UBAP2L: variants seen among roughly 807,000 people sequenced by gnomAD.
The protein encoded by UBAP2L is ubiquitin associated protein 2 like.
UBAP2L carries 12 observed loss-of-function variants against 130.6 expected under a neutral mutation model. The ratio of observed to expected loss-of-function variants is 0.09; its 90% CI spans 0.06 to 0.15. The LOEUF (loss-of-function observed/expected upper bound fraction) is 0.15. UBAP2L is among the 10% of genes least tolerant of loss of function. The pLI is 1.00. For missense variants in UBAP2L, 965 were observed against 1,332.5 expected (o/e 0.72, Z 4.29); for synonymous variants, 503 against 524.7 (o/e 0.96, Z 0.57).
chr1:154,265,949 A>G (rs1683111764), intron 24 of UBAP2L, among the ~76,000 whole-genome samples: 1 of 152,190 alleles, frequency 6.6e-6, no homozygotes, highest in African/African-American at 2.4e-5. Flanking sequence ...AGATGCTCCA[A>G]GACTAAAGAA....
intron 8 of UBAP2L, among the ~76,000 whole-genome samples, chr1:154,240,541 A>G (rs1673186013): frequency 6.6e-6 from 1 of 152,140 alleles, no homozygotes; most frequent in Admixed American, 6.6e-5. Context: ...CTGATTTTTC[A>G]GTCTTGTTCA....
chr1:154,231,633 A>G (rs931487199), intron 4 of UBAP2L, among the ~76,000 whole-genome samples: 4 of 152,142 alleles, frequency 2.6e-5, no homozygotes, highest in Non-Finnish European at 4.4e-5. Context: ...TGCCTGTTTT[A>G]GAGATCTCAT....
Position 154,268,782 on chromosome 1 carries a change from A to C in UBAP2L, c.2996A>C (p.His999Pro). 1 of 1,614,116 alleles carries C rather than the reference A, an allele frequency of 6.2e-7. No individual in the cohort carries two copies. Among genetic ancestry groups the C allele is most frequent in the Non-Finnish European group, 8.5e-7 (1 of 1,180,004 alleles). The change falls in exon 26 of 27, where the codon CAT becomes CCT. Residue 999 changes from histidine to proline, a missense_variant. Around this residue, in one of 9 missense-constraint regions of UBAP2L, gnomAD observed 194 missense variants for 334.0 expected, o/e 0.58. Coordinates refer to ENST00000428931, the MANE Select transcript of UBAP2L (RefSeq NM_014847.4). ...TQQSFEKQGF[H>P]SGTPAASFNL... ...CAGTCCTTTGAGAAACAAGGTTTTC[A>C]TTCCGGTACTCCTGCTGCTTCCTTC... is the stretch of plus-strand genomic sequence containing the variant.
At chr1:154,263,159 C>G in intron 24 of UBAP2L, 1 of 1,551,938 alleles carries the variant, frequency 6.4e-7, no homozygotes, top group Non-Finnish European at 8.7e-7. Flanking sequence ...CTAATTTGGC[C>G]CAAGGCTGGG....
intron 17 of UBAP2L, 118 bp from the exon 18 acceptor site, chr1:154,255,565 T>C: frequency 2.3e-6 from 3 of 1,282,738 alleles, no homozygotes; most frequent in Non-Finnish European, 3.4e-6. Context: ...TAACATATGA[T>C]CTCAGACCTC....
intron 24 of UBAP2L, among the ~76,000 whole-genome samples, chr1:154,265,815 A>G (rs1286669489): frequency 6.6e-6 from 1 of 152,138 alleles, no homozygotes; most frequent in Non-Finnish European, 1.5e-5. Flanking sequence ...CACCTAGGCT[A>G]TAGGAGATGG....
chr1:154,268,188 CT>C (rs531122983), intron 25 of UBAP2L, among the ~76,000 whole-genome samples: 4 of 149,444 alleles, frequency 2.7e-5, no homozygotes, highest in East Asian at 4.0e-4. Flanking sequence ...TGCGCCCAGC[CT>C]TTTTTTTTCT....
intron 21 of UBAP2L, 137 bp from the exon 22 acceptor site, chr1:154,259,811 A>G (rs961522650): frequency 4.2e-6 from 4 of 948,386 alleles, no homozygotes; most frequent in East Asian, 4.8e-5. Flanking sequence ...AGTTTGTGCT[A>G]ACTCTAGCCA....
At chr1:154,234,835 A>G (rs1354642413) in intron 5 of UBAP2L, 76 bp downstream of exon 5, 2 of 1,531,444 alleles carry the variant, frequency 1.3e-6, no homozygotes, top group Non-Finnish European at 1.8e-6. Context: ...GGGCCCTGCT[A>G]GTCAGGACCT....
At chr1:154,233,607 G>T (rs1158488204) in intron 4 of UBAP2L, among the ~76,000 whole-genome samples, 2 of 151,202 alleles carry the variant, frequency 1.3e-5, no homozygotes, top group Non-Finnish European at 2.9e-5. Context: ...ACAGGTGTGA[G>T]CCACCGCACC....
chr1:154,260,259 G>T (rs547030399), intron 22 of UBAP2L, among the ~76,000 whole-genome samples: 2 of 152,298 alleles, frequency 1.3e-5, no homozygotes, highest in South Asian at 4.1e-4. Flanking sequence ...TGTAGTCTCA[G>T]CTACTTGGGA....
At chr1:154,234,834 T>C (rs547510816) in intron 5 of UBAP2L, 75 bp downstream of exon 5, 4 of 1,531,350 alleles carry the variant, frequency 2.6e-6, no homozygotes, top group African/African-American at 1.4e-5. Context: ...AGGGCCCTGC[T>C]AGTCAGGACC....
At chr1:154,254,712 T>A (rs1679031230) in intron 15 of UBAP2L, 124 bp from the exon 16 acceptor site, 1 of 1,048,316 alleles carries the variant, frequency 9.5e-7, no homozygotes, top group Non-Finnish European at 1.4e-6. Flanking sequence ...TTAATCCTTT[T>A]GGTTAATTTA....
At chr1:154,236,731 T>C in intron 7 of UBAP2L, 120 bp downstream of exon 7, 3 of 1,066,734 alleles carry the variant, frequency 2.8e-6, no homozygotes, top group Non-Finnish European at 4.2e-6. Context: ...GACTTAGGGC[T>C]CATTTCTTAG....
At chr1:154,233,215 A>G (rs1441467959) in intron 4 of UBAP2L, among the ~76,000 whole-genome samples, 1 of 151,108 alleles carries the variant, frequency 6.6e-6, no homozygotes, top group Non-Finnish European at 1.5e-5. Context: ...GGGTTTCACT[A>G]TGTTGGCCAG....
intron 11 of UBAP2L, among the ~76,000 whole-genome samples, chr1:154,247,478 GA>G (rs1675907176): frequency 6.6e-6 from 1 of 152,166 alleles, no homozygotes; most frequent in Non-Finnish European, 1.5e-5. Context: ...TAAATGACTG[GA>G]AAATGTGATT....
At chr1:154,242,608 G>T (rs1673941770) in intron 9 of UBAP2L, among the ~76,000 whole-genome samples, 1 of 152,190 alleles carries the variant, frequency 6.6e-6, no homozygotes, top group African/African-American at 2.4e-5. Flanking sequence ...CTTTTGAATA[G>T]TAGGAAAAGT....
chr1:154,233,882 T>C (rs12027999), intron 4 of UBAP2L, among the ~76,000 whole-genome samples: 15,642 of 147,024 alleles, frequency 0.11, 1,395 homozygotes, highest in East Asian at 0.44. Flanking sequence ...TTTCTTTTTT[T>C]TTTTTAGCCC....
Position 154,254,825 on chromosome 1 carries a change from T to C in UBAP2L, c.1855-11T>C. 6.2e-7 allele frequency: 1 copy of C among 1,601,664 alleles called. No individual in the cohort carries two copies. Among genetic ancestry groups the C allele is most frequent in the South Asian group, 1.1e-5 (1 of 88,558 alleles). On this transcript the variant is annotated splice_polypyrimidine_tract_variant and intron_variant, in intron 15 of 26. Transcript: ENST00000428931. ...TGTTTCTTGCTCTTCTGTTTTTTTTTTTTTTACCAGAATGGCTTCAGTTCT... is the reference window on the plus strand; with the variant it reads ...TGTTTCTTGCTCTTCTGTTTTTTTTCTTTTTACCAGAATGGCTTCAGTTCT...
Sources: gnomAD v4.1 joint callset for allele counts (sites outside exome capture counted in the v4.1 genomes callset) on GRCh38, gnomAD v4.1.1 for gene constraint, gnomAD v4.1.1 regional missense constraint, MANE v1.5 for transcripts, NCBI Gene and HGNC (gene_info 2026-07-23, HGNC 2026-07-21) for gene names.